UBE2E3: variants seen among roughly 807,000 people sequenced by gnomAD.
UBE2E3 encodes the protein ubiquitin conjugating enzyme E2 E3.
Under a neutral mutation model 23.6 loss-of-function variants are expected in UBE2E3, and 5 were observed. That is an observed-to-expected ratio of 0.21 (90% CI 0.11 to 0.44). The LOEUF (loss-of-function observed/expected upper bound fraction) is 0.44, where lower values mean the gene tolerates loss of function less well. Ranked by LOEUF, UBE2E3 falls within the 20% of genes least tolerant of loss-of-function variation. The pLI is 0.99. For missense variants in UBE2E3, 81 were observed against 249.8 expected, an observed-to-expected ratio of 0.32 and a Z score of 4.55; for synonymous variants, 78 against 87.5, an observed-to-expected ratio of 0.89 and a Z score of 0.60.
intron 3 of UBE2E3, among the ~76,000 whole-genome samples, chr2:180,986,175 A>G (rs1315480804): frequency 6.6e-6 from 1 of 152,162 alleles, no homozygotes; most frequent in Non-Finnish European, 1.5e-5. Flanking sequence ...TGTGATGACT[A>G]TCAACTGCTG....
chr2:181,042,621 G>A (rs1437298810), intron 3 of UBE2E3, among the ~76,000 whole-genome samples: 2 of 152,150 alleles, frequency 1.3e-5, no homozygotes, highest in African/African-American at 4.8e-5. Context: ...TTCAGGTTCT[G>A]CCACGTATTA....
chr2:181,055,344 T>A (rs989717398), intron 3 of UBE2E3, among the ~76,000 whole-genome samples: 1 of 151,784 alleles, frequency 6.6e-6, no homozygotes, highest in Non-Finnish European at 1.5e-5. Flanking sequence ...TTCAAGACAG[T>A]GGAAGAGACA....
At chr2:181,022,890 A>G (rs985882435) in intron 3 of UBE2E3, among the ~76,000 whole-genome samples, 1 of 151,910 alleles carries the variant, frequency 6.6e-6, no homozygotes, top group Non-Finnish European at 1.5e-5. Context: ...TTTTTGGCTT[A>G]CAAATACCAG....
chr2:181,033,786 C>A (rs1397479165), intron 3 of UBE2E3, among the ~76,000 whole-genome samples: 6 of 152,082 alleles, frequency 3.9e-5, no homozygotes, highest in Non-Finnish European at 8.8e-5. Context: ...ACCCATCTGA[C>A]AAAGGGCTAA....
intron 3 of UBE2E3, among the ~76,000 whole-genome samples, chr2:181,022,499 G>GTA (rs1360673314): frequency 2.0e-5 from 3 of 151,684 alleles, no homozygotes; most frequent in African/African-American, 4.8e-5. Context: ...TCTTCTCAGT[G>GTA]TATATTGTTG....
intron 1 of UBE2E3, 29 bp downstream of exon 1, chr2:180,981,002 G>C (rs1007868136): frequency 1.4e-5 from 2 of 146,692 alleles, no homozygotes; most frequent in Non-Finnish European, 3.0e-5. Context: ...GGGGCCGCGT[G>C]GGGGGCGGCC....
chr2:181,045,431 G>A (rs1264774467), intron 3 of UBE2E3, among the ~76,000 whole-genome samples: 1 of 152,186 alleles, frequency 6.6e-6, no homozygotes, highest in African/African-American at 2.4e-5. Flanking sequence ...GTAACAGTTA[G>A]AGAGCCCAGG....
At chr2:181,045,777 G>A (rs776589864) in intron 3 of UBE2E3, among the ~76,000 whole-genome samples, 9 of 151,996 alleles carry the variant, frequency 5.9e-5, no homozygotes, top group Non-Finnish European at 1.2e-4. Flanking sequence ...TAACCTGGGA[G>A]ATTTTCTCCA....
intron 3 of UBE2E3, among the ~76,000 whole-genome samples, chr2:181,035,791 A>G (rs1686253745): frequency 1.3e-5 from 2 of 152,156 alleles, no homozygotes; most frequent in Admixed American, 6.6e-5. Context: ...ATATAGTTGT[A>G]CTTGATTGTT....
At chr2:180,985,431 A>G (rs1432764619) in intron 3 of UBE2E3, among the ~76,000 whole-genome samples, 1 of 152,192 alleles carries the variant, frequency 6.6e-6, no homozygotes, top group African/African-American at 2.4e-5. Flanking sequence ...TGACTTAAAA[A>G]AAGTTCATTA....
At chr2:180,999,786 A>G (rs1684939382) in intron 3 of UBE2E3, among the ~76,000 whole-genome samples, 2 of 152,208 alleles carry the variant, frequency 1.3e-5, no homozygotes, top group Admixed American at 6.5e-5. Context: ...AGCTTGAGCA[A>G]GTTATCTCCT....
chr2:181,021,156 A>G (rs946599648), intron 3 of UBE2E3, among the ~76,000 whole-genome samples: 1 of 152,212 alleles, frequency 6.6e-6, no homozygotes, highest in Non-Finnish European at 1.5e-5. Context: ...CACATATAGT[A>G]ATGTAGTTGC....
At chr2:181,009,744 A>G (rs752819558) in intron 3 of UBE2E3, among the ~76,000 whole-genome samples, 1 of 152,106 alleles carries the variant, frequency 6.6e-6, no homozygotes, top group Non-Finnish European at 1.5e-5. Context: ...CCCGTACTGT[A>G]AAGTACAAGC....
chr2:181,049,882 A>G (rs527708503), intron 3 of UBE2E3, among the ~76,000 whole-genome samples: 4 of 152,150 alleles, frequency 2.6e-5, no homozygotes, highest in South Asian at 4.1e-4. Context: ...ACAAAAGACT[A>G]TGAAATACTA....
At chr2:181,041,252 AAGAT>A (rs1219853638) in intron 3 of UBE2E3, among the ~76,000 whole-genome samples, 1 of 150,018 alleles carries the variant, frequency 6.7e-6, no homozygotes. Context: ...AAAAAAAAAA[AAGAT>A]AGATTTTTTT....
In UBE2E3 at chr2:181,046,794, G is replaced by A. The variant is rs565399766; in HGVS notation, c.246-10899G>A. Among the ~76,000 whole-genome samples the A allele has an allele frequency of 4.6e-5, 7 of 152,190 alleles. No individual in the cohort carries two copies. The East Asian group carries it at 1.4e-3, about 29-fold the overall frequency. ...GAAAGCATATCATAGAAATTACTCT[G>A]CCTACCTAAAATCCTTTATGGTTTA... On this transcript the variant is annotated intron_variant, in intron 3 of 5. Coordinates refer to ENST00000410062, the MANE Select transcript of UBE2E3 (RefSeq NM_006357.4).
intron 3 of UBE2E3, among the ~76,000 whole-genome samples, chr2:181,004,080 G>A (rs190955600): frequency 9.1e-4 from 139 of 152,014 alleles, no homozygotes; most frequent in African/African-American, 3.3e-3. Context: ...GAGAGGCTGG[G>A]GTGGAGAGTT....
At chr2:181,024,546 C>G (rs1181870790) in intron 3 of UBE2E3, among the ~76,000 whole-genome samples, 1 of 152,030 alleles carries the variant, frequency 6.6e-6, no homozygotes, top group Non-Finnish European at 1.5e-5. Flanking sequence ...AATTTATTTT[C>G]AAACTTGACT....
At position 181,062,853 on chromosome 2, in the gene UBE2E3, A is replaced by C. The variant is rs1419426007; in HGVS notation, c.589A>C (p.Ile197Leu). ...GACCAACAGAGCAGAACACGACAGG[A>C]TAGCCAGACAGTGGACCAAGAGATA... ...YLTNRAEHDR[I>L]ARQWTKRYAT Residue 197 changes from isoleucine (I) to leucine (L), a missense_variant, in exon 6 of 6, where the codon ATA becomes CTA. Ile to Leu is a conservative substitution (Grantham distance 5). Coordinates refer to ENST00000410062, the MANE Select transcript of UBE2E3 (RefSeq NM_006357.4). 1.2e-6 allele frequency: 2 copies of C among 1,608,806 alleles called. No homozygotes were observed. The highest frequency in any genetic ancestry group is 1.7e-6 in the Non-Finnish European group (2 of 1,176,774).
Sources: allele counts gnomAD v4.1 joint callset (sites outside exome capture counted in the v4.1 genomes callset), GRCh38; gene constraint gnomAD v4.1.1; transcripts MANE v1.5; gene names NCBI Gene and HGNC (gene_info 2026-07-23, HGNC 2026-07-21).